The following GRIK4 variants were observed in gnomAD, a reference collection of about 807,000 sequenced individuals.
The protein encoded by GRIK4 is glutamate ionotropic receptor kainate type subunit 4.
Under a neutral mutation model 104.9 loss-of-function variants are expected in GRIK4, and 40 were observed. That is an observed-to-expected ratio of 0.38 (90% CI 0.30 to 0.50). GRIK4 has a LOEUF of 0.50. Ranked by LOEUF, GRIK4 falls within the 20% of genes least tolerant of loss-of-function variation. GRIK4 has a pLI of 0.93. For missense variants in GRIK4, 1,047 were observed against 1,308.1 expected (o/e 0.80, Z 3.08); for synonymous variants, 485 against 524.9 (o/e 0.92, Z 1.04).
chr11:120,878,096 G>T (rs1479069253), intron 11 of GRIK4, among the ~76,000 whole-genome samples: 1 of 152,180 alleles, frequency 6.6e-6, no homozygotes, highest in Non-Finnish European at 1.5e-5. Context: ...AGCCCCCAGG[G>T]CTCATCCTTC....
At chr11:120,666,935 G>GA (rs1286870757) in intron 3 of GRIK4, among the ~76,000 whole-genome samples, 4 of 152,162 alleles carry the variant, frequency 2.6e-5, no homozygotes, top group African/African-American at 9.7e-5. Context: ...ATTTTGGTGG[G>GA]GGGTGTTGGG....
chr11:120,557,994 G>C (rs1315248797), intron 1 of GRIK4, among the ~76,000 whole-genome samples: 1 of 148,590 alleles, frequency 6.7e-6, no homozygotes, highest in Non-Finnish European at 1.5e-5. Context: ...GTCCAGCCTG[G>C]GCGACAGAGC....
In GRIK4 at chr11:120,932,086, A is replaced by G. The variant is rs367653173; in HGVS notation, c.1477-8261A>G. 7.9e-5 allele frequency among the ~76,000 whole-genome samples: 12 copies of G among 152,166 alleles called. No homozygotes were observed. The East Asian group carries it at 2.3e-3, about 29-fold the overall frequency. ...CCTGTGGACCTTCCAGGCTCTGCCC[A>G]AGCCCTGTTCCACCTTCTCATGGTG... On this transcript the variant is annotated intron_variant, in intron 13 of 20. Transcript: ENST00000527524.
In GRIK4 at chr11:120,956,888, G is replaced by C; in HGVS notation, c.1809G>C (p.Gly603=). ...LGNSLWFPVG[G]FMQQGSTIAP... is the part of the protein sequence containing the mutation. The stretch of plus-strand genomic sequence containing the variant: ...ACAGCCTCTGGTTTCCGGTCGGGGG[G>C]TTCATGCAGCAAGGCTCCACCATCG... The change falls in exon 16 of 21, where the codon GGG becomes GGC. Residue 603 remains glycine, a synonymous_variant. Coordinates refer to ENST00000527524, the MANE Select transcript of GRIK4 (RefSeq NM_014619.5). The surrounding 1 kb of genome is among the most constrained non-coding windows in gnomAD (Gnocchi z 4.6). 6.2e-7 allele frequency: 1 copy of C among 1,614,002 alleles called. No homozygotes were observed. Among genetic ancestry groups the C allele is most frequent in the Non-Finnish European group, 8.5e-7 (1 of 1,179,956 alleles).
chr11:120,698,740 C>T (rs1950499407), intron 3 of GRIK4, among the ~76,000 whole-genome samples: 1 of 152,188 alleles, frequency 6.6e-6, no homozygotes, highest in Non-Finnish European at 1.5e-5. Context: ...AGTTCTGCCC[C>T]CATCCTCTTT....
chr11:120,765,815 C>T (rs1330349135), intron 3 of GRIK4, among the ~76,000 whole-genome samples: 2 of 152,250 alleles, frequency 1.3e-5, no homozygotes, highest in Non-Finnish European at 1.5e-5. Context: ...CCTGCTCCTT[C>T]CTCTGGAAGT....
At chr11:120,721,446 T>TTTG (rs1356099597) in intron 3 of GRIK4, among the ~76,000 whole-genome samples, 1 of 152,088 alleles carries the variant, frequency 6.6e-6, no homozygotes, top group African/African-American at 2.4e-5. Flanking sequence ...GAAGAGATAG[T>TTTG]TTGTTCCTCA....
chr11:120,534,811 C>T (rs2508654), intron 1 of GRIK4, among the ~76,000 whole-genome samples: 24,752 of 152,038 alleles, frequency 0.16, 4,068 homozygotes, highest in African/African-American at 0.41. Context: ...ACCAGGAAAA[C>T]CCCTGGGAGC....
chr11:120,800,082 G>A lies in GRIK4; in HGVS notation c.83-2611G>A, dbSNP rs555725209. Among the ~76,000 whole-genome samples the A allele has an allele frequency of 4.6e-5, 7 of 151,254 alleles. 1 individual carries two copies. Among genetic ancestry groups the A allele is most frequent in the Non-Finnish European group, 8.8e-5 (6 of 67,926 alleles). ...TTGGTCAGGTTGGTCTCAAACTCAC[G>A]ACCTCGGGTGATTCATCTGCCTCAG... On this transcript the variant is annotated intron_variant, in intron 3 of 20. Coordinates refer to ENST00000527524, the MANE Select transcript of GRIK4 (RefSeq NM_014619.5).
At chr11:120,802,937 C>T in intron 4 of GRIK4, 80 bp downstream of exon 4, 2 of 1,208,418 alleles carry the variant, frequency 1.7e-6, no homozygotes, top group Admixed American at 1.8e-5. Context: ...ACCTATCAGT[C>T]ACCAGGCCTC....
At chr11:120,941,071 C>T (rs1434687471) in intron 14 of GRIK4, among the ~76,000 whole-genome samples, 1 of 152,102 alleles carries the variant, frequency 6.6e-6, no homozygotes. Flanking sequence ...GTATACTGGC[C>T]GGTGGGAAGA....
At chr11:120,958,734 C>A (rs1044144917) in intron 16 of GRIK4, among the ~76,000 whole-genome samples, 2 of 152,180 alleles carry the variant, frequency 1.3e-5, no homozygotes, top group Non-Finnish European at 2.9e-5. Context: ...TCCTTGTGAC[C>A]AATGGCCTAA....
intron 1 of GRIK4, among the ~76,000 whole-genome samples, chr11:120,585,478 AGCT>A (rs1406779483): frequency 1.3e-5 from 2 of 151,946 alleles, no homozygotes; most frequent in African/African-American, 2.4e-5. Flanking sequence ...CCTCCTGAGT[AGCT>A]GGGATTACAG....
chr11:120,982,699 C>T (rs892498140), intron 20 of GRIK4, among the ~76,000 whole-genome samples: 12 of 152,142 alleles, frequency 7.9e-5, no homozygotes, highest in African/African-American at 2.7e-4. Flanking sequence ...TTCCAACCCA[C>T]CCCAGGGAAG....
intron 13 of GRIK4, among the ~76,000 whole-genome samples, chr11:120,920,262 C>A (rs2134564460): frequency 6.6e-6 from 1 of 152,300 alleles, no homozygotes; most frequent in East Asian, 1.9e-4. Flanking sequence ...AGCGTGCCTG[C>A]ACTTTGTGGA....
At chr11:120,545,041 C>T (rs1948071820) in intron 1 of GRIK4, among the ~76,000 whole-genome samples, 1 of 152,120 alleles carries the variant, frequency 6.6e-6, no homozygotes, top group Admixed American at 6.5e-5. Flanking sequence ...GGAGCTTACG[C>T]AGCTGACTGA....
chr11:120,823,821 G>C (rs867913508), intron 6 of GRIK4, among the ~76,000 whole-genome samples: 1 of 152,190 alleles, frequency 6.6e-6, no homozygotes, highest in South Asian at 2.1e-4. Flanking sequence ...AGCGGACTTG[G>C]CAGGCACACA....
chr11:120,973,754 T>C (rs1408044158), intron 19 of GRIK4, among the ~76,000 whole-genome samples: 1 of 152,174 alleles, frequency 6.6e-6, no homozygotes, highest in Non-Finnish European at 1.5e-5. Context: ...CGTGACCTCT[T>C]CCAAGCCAAG....
rs145979642 is a variant in GRIK4 at position 120,660,366 on chromosome 11, G to A, written c.48G>A (p.Val16=). Residue 16 remains valine, a synonymous_variant, in exon 3 of 21, where the codon GTG becomes GTA. Coordinates refer to ENST00000527524, the MANE Select transcript of GRIK4 (RefSeq NM_014619.5). ...APLVLLPAWL[V]MVACSPHSLR... is the part of the protein sequence containing the mutation. ...TGGTGCTGCTTCCTGCGTGGCTCGTGATGGTCGCCTGCAGCCCGCACTCCT... is the reference window on the plus strand; with the variant it reads ...TGGTGCTGCTTCCTGCGTGGCTCGTAATGGTCGCCTGCAGCCCGCACTCCT... 1.9e-6 allele frequency: 3 copies of A among 1,613,222 alleles called. No individual in the cohort carries two copies. The African/African-American group carries it at 4.0e-5, about 22-fold the overall frequency.
Sources: allele counts gnomAD v4.1 joint callset (sites outside exome capture counted in the v4.1 genomes callset), GRCh38; gene constraint gnomAD v4.1.1; non-coding constraint Gnocchi (gnomAD v3.1); transcripts MANE v1.5; gene names NCBI Gene and HGNC (gene_info 2026-07-23, HGNC 2026-07-21).